The following BBS4 variants were observed in gnomAD, a reference collection of about 807,000 sequenced individuals.
The protein encoded by BBS4 is Bardet-Biedl syndrome 4, also known as BBSome complex member BBS4.
Under a neutral mutation model 71.4 loss-of-function variants are expected in BBS4, and 58 were observed. The observed-to-expected ratio is 0.81, with a 90% CI of 0.66 to 1.01. BBS4 has a LOEUF of 1.01. Ranked by LOEUF, BBS4 falls within the 50% of genes least tolerant of loss-of-function variation. BBS4 has a pLI of 0.00. For missense variants in BBS4, 660 were observed against 607.9 expected, an observed-to-expected ratio of 1.09 and a Z score of -0.90; for synonymous variants, 228 against 216.8, an observed-to-expected ratio of 1.05 and a Z score of -0.46.
chr15:72,729,737 T>C, intron 10 of BBS4, 53 bp downstream of exon 10: 2 of 1,486,436 alleles, frequency 1.3e-6, no homozygotes, highest in South Asian at 2.3e-5. Context: ...CCACTGCTCC[T>C]AGAGGTGATC....
In BBS4 at chr15:72,735,837, A is replaced by C; in HGVS notation, c.1119A>C (p.Leu373Phe). 6.2e-7 allele frequency: 1 copy of C among 1,614,194 alleles called. No homozygotes were observed. The highest frequency in any genetic ancestry group is 1.1e-5 in the South Asian group (1 of 91,090). Residue 373 changes from leucine (L) to phenylalanine (F), a missense_variant, in exon 14 of 16, where the codon TTA becomes TTC. Physicochemically the swap from Leu to Phe is conservative, Grantham distance 22 (BLOSUM62 0). Transcript: ENST00000268057. ...CTGTCTGCCACAGGTGTAACCCTTT[A>C]GTAAACCTGAACTATGCTGTGCTGC... ...EAVHLDKCNP[L>F]VNLNYAVLLY...
Position 72,727,400 on chromosome 15 carries a change from A to T in BBS4, c.588-540A>T, listed in dbSNP as rs530584465. 1.4e-4 allele frequency among the ~76,000 whole-genome samples: 21 copies of T among 152,220 alleles called. No individual in the cohort carries two copies. The South Asian group carries it at 4.3e-3, about 32-fold the overall frequency. On this transcript the variant is annotated intron_variant, in intron 8 of 15. Transcript: ENST00000268057. ...GTGTTTACTCCCAAAGGTCAGTAGC[A>T]CCTTCTTTCCTAGGATTGGTATGTA...
intron 7 of BBS4, 22 bp from the exon 8 acceptor site, chr15:72,724,506 T>C: frequency 1.2e-6 from 2 of 1,613,210 alleles, no homozygotes; most frequent in Non-Finnish European, 1.7e-6. Context: ...TTTGGTTTTC[T>C]TTATTTTGTT....
chr15:72,709,226 T>C (rs1489646067), intron 2 of BBS4, among the ~76,000 whole-genome samples: 1 of 152,232 alleles, frequency 6.6e-6, no homozygotes, highest in East Asian at 1.9e-4. Context: ...GAGGCCCAGC[T>C]GTGAAATTCC....
chr15:72,737,626 C>T lies in BBS4; in HGVS notation c.*39C>T, dbSNP rs182554953. On this transcript the variant is annotated 3_prime_UTR_variant, in exon 16 of 16. Coordinates refer to ENST00000268057, the MANE Select transcript of BBS4 (RefSeq NM_033028.5). Reference sequence around the variant, plus strand: ...GACCCCAAAATAGGGTTTTCTTGGGCGAGGATGTGCTGGATTAGGAAAGGT... The same window carrying T: ...GACCCCAAAATAGGGTTTTCTTGGGTGAGGATGTGCTGGATTAGGAAAGGT... The T allele has an allele frequency of 1.3e-4, 194 of 1,480,816 alleles. No homozygotes were observed. In the African/African-American group the frequency reaches 1.6e-3, roughly 13 times the overall value. The allele number at this position is 1,480,816 out of a possible 1,614,324, so 91.7% of individuals were successfully genotyped here. A position where few individuals can be genotyped will look rare whatever the true frequency, so the allele number is the denominator to read the frequency against.
At chr15:72,715,529 T>C in intron 5 of BBS4, 127 bp downstream of exon 5, 1 of 736,562 alleles carries the variant, frequency 1.4e-6, no homozygotes. Context: ...GTTTAATAGG[T>C]ACAGTGGGAT....
intron 8 of BBS4, among the ~76,000 whole-genome samples, chr15:72,726,158 G>A (rs901380887): frequency 1.3e-5 from 2 of 150,484 alleles, no homozygotes; most frequent in East Asian, 2.0e-4. Context: ...GTCGCCCAGG[G>A]GTGAGTGCAG....
chr15:72,735,850 T>C lies in BBS4; in HGVS notation c.1132T>C (p.Tyr378His). ...DKCNPLVNLN[Y>H]AVLLYNQGEK... ...GTGTAACCCTTTAGTAAACCTGAAC[T>C]ATGCTGTGCTGCTGTACAACCAGGG... Residue 378 changes from tyrosine to histidine, a missense_variant, in exon 14 of 16, where the codon TAT becomes CAT. Transcript: ENST00000268057. 6.2e-7 allele frequency: 1 copy of C among 1,614,156 alleles called. No homozygotes were observed. The highest frequency in any genetic ancestry group is 8.5e-7 in the Non-Finnish European group (1 of 1,180,036).
intron 3 of BBS4, 63 bp from the exon 4 acceptor site, chr15:72,712,181 T>G: frequency 6.6e-7 from 1 of 1,520,208 alleles, no homozygotes; most frequent in Non-Finnish European, 9.1e-7. Flanking sequence ...CATGTCCACT[T>G]TTTCTTAAAG....
intron 5 of BBS4, 130 bp downstream of exon 5, chr15:72,715,532 A>G (rs979370541): frequency 2.7e-6 from 2 of 730,000 alleles, no homozygotes; most frequent in African/African-American, 1.7e-5. Context: ...TAATAGGTAC[A>G]GTGGGATTCA....
chr15:72,698,745 T>C (rs1200374690), intron 2 of BBS4, among the ~76,000 whole-genome samples: 1 of 152,222 alleles, frequency 6.6e-6, no homozygotes, highest in Non-Finnish European at 1.5e-5. Flanking sequence ...TGTCATTTCC[T>C]GTACTGTATA....
chr15:72,736,785 G>A lies in BBS4; in HGVS notation c.1272G>A (p.Leu424=). Residue 424 remains leucine, a synonymous_variant, in exon 15 of 16, where the codon TTG becomes TTA. Coordinates refer to ENST00000268057, the MANE Select transcript of BBS4 (RefSeq NM_033028.5). ...AGATGGTGGAGATGGCTCAGAAGTT[G>A]GGAGCTGCTCTCCAGGTTGGGGAGG... ...DSEMVEMAQK[L]GAALQVGEAL... 1 of 1,614,182 alleles carries A rather than the reference G, an allele frequency of 6.2e-7. No homozygotes were observed. Among genetic ancestry groups the A allele is most frequent in the Non-Finnish European group, 8.5e-7 (1 of 1,180,028 alleles).
rs538249678 is a variant in BBS4, at chr15:72,709,243, C to G, written c.77-457C>G. On this transcript the variant is annotated intron_variant, in intron 2 of 15. Coordinates refer to ENST00000268057, the MANE Select transcript of BBS4 (RefSeq NM_033028.5). Reference sequence around the variant, plus strand: ...GGCCCAGCTGTGAAATTCCTCTCTTCGTACTCTTATTTCTTAGCCGGCTGA... The same window carrying G: ...GGCCCAGCTGTGAAATTCCTCTCTTGGTACTCTTATTTCTTAGCCGGCTGA... Among the ~76,000 whole-genome samples, 3 of 152,328 alleles carry G rather than the reference C, an allele frequency of 2.0e-5. No individual in the cohort carries two copies. In the South Asian group the frequency reaches 6.2e-4, roughly 32 times the overall value.
Position 72,737,704 on chromosome 15 carries a change from T to G in BBS4, c.*117T>G. ...ACCCACCACAGAATACAGTGTGTGTTATTACGAGGAGCCAGCAGTTGAGCC... is the reference window on the plus strand; with the variant it reads ...ACCCACCACAGAATACAGTGTGTGTGATTACGAGGAGCCAGCAGTTGAGCC... On this transcript the variant is annotated 3_prime_UTR_variant, in exon 16 of 16. Coordinates refer to ENST00000268057, the MANE Select transcript of BBS4 (RefSeq NM_033028.5). The G allele has an allele frequency of 1.2e-6, 1 of 853,350 alleles. No homozygotes were observed. The highest frequency in any genetic ancestry group is 1.4e-5 in the South Asian group (1 of 69,842). 52.9% of individuals were successfully genotyped at this position (853,350 alleles called of 1,614,324 possible). A position where few individuals can be genotyped will look rare whatever the true frequency, so the allele number is the denominator to read the frequency against.
intron 2 of BBS4, 39 bp from the exon 3 acceptor site, chr15:72,709,658 CTAA>C (rs770165984): frequency 2.1e-6 from 3 of 1,434,580 alleles, no homozygotes; most frequent in Non-Finnish European, 2.9e-6. Flanking sequence ...AGGAGAAAAT[CTAA>C]TGACTGTGTT....
At chr15:72,718,771 A>T (rs985977808) in intron 6 of BBS4, among the ~76,000 whole-genome samples, 1 of 152,198 alleles carries the variant, frequency 6.6e-6, no homozygotes, top group Admixed American at 6.5e-5. Context: ...ACTCAACTAG[A>T]ATAGGAAATG....
chr15:72,719,305 A>T lies in BBS4; in HGVS notation c.405+2455A>T, dbSNP rs376753102. Among the ~76,000 whole-genome samples the T allele has an allele frequency of 9.7e-4, 140 of 144,370 alleles. 1 individual carries two copies. Among genetic ancestry groups the T allele is most frequent in the African/African-American group, 3.4e-3 (134 of 39,162 alleles). The allele number at this position is 144,370 out of a possible 152,430, so 94.7% of individuals were successfully genotyped here. A position where few individuals can be genotyped will look rare whatever the true frequency, so the allele number is the denominator to read the frequency against. ...TAAGAGACAAGGTTGCCTAGGCTGGAGTATAGTGGGGTGATCATAGCTTAC... is the reference window on the plus strand; with the variant it reads ...TAAGAGACAAGGTTGCCTAGGCTGGTGTATAGTGGGGTGATCATAGCTTAC... On this transcript the variant is annotated intron_variant, in intron 6 of 15. Coordinates refer to ENST00000268057, the MANE Select transcript of BBS4 (RefSeq NM_033028.5).
At chr15:72,734,682 T>TG (rs2065886747) in intron 12 of BBS4, among the ~76,000 whole-genome samples, 2 of 152,008 alleles carry the variant, frequency 1.3e-5, no homozygotes, top group South Asian at 4.2e-4. Context: ...TTTTAAAAAG[T>TG]GGGGGGAGTG....
rs58644289 is a variant in BBS4, at chr15:72,688,411, C to CTTTTTTTTTTTTTTTTTTTTTTTT, written c.24+2180_24+2181insTTTTTTTTTTTTTTTTTTTTTTTT. The stretch of plus-strand genomic sequence containing the variant: ...GTCCTTTTAGGAAGTGGTATTTTAT[C>CTTTTTTTTTTTTTTTTTTTTTTTT]TTTTTTTTTTTTTTTTTTTTGAGAC... On this transcript the variant is annotated intron_variant, in intron 1 of 15. Transcript: ENST00000268057. 2.6e-3 allele frequency among the ~76,000 whole-genome samples: 216 copies of CTTTTTTTTTTTTTTTTTTTTTTTT among 83,056 alleles called. 33 individuals are homozygous for CTTTTTTTTTTTTTTTTTTTTTTTT. The highest frequency in any genetic ancestry group is 3.5e-3 in the Non-Finnish European group (166 of 46,986). The allele number at this position is 83,056 out of a possible 152,430, so 54.5% of individuals were successfully genotyped here.
Sources: gnomAD v4.1 joint callset for allele counts (sites outside exome capture counted in the v4.1 genomes callset) on GRCh38, gnomAD v4.1.1 for gene constraint, MANE v1.5 for transcripts, NCBI Gene and HGNC (gene_info 2026-07-23, HGNC 2026-07-21) for gene names.